NECTIN3: variants seen among roughly 807,000 people sequenced by gnomAD.
NECTIN3 encodes nectin cell adhesion molecule 3.
In NECTIN3, 8 loss-of-function variants were observed where a neutral mutation model predicts 49.4. The ratio of observed to expected loss-of-function variants is 0.16; its 90% CI spans 0.10 to 0.29. The LOEUF (loss-of-function observed/expected upper bound fraction) is 0.29. NECTIN3 is among the 10% of genes least tolerant of loss of function. The probability of loss-of-function intolerance (pLI) is 1.00; values close to 1 mark genes in which losing one functional copy is unlikely to be tolerated. For synonymous variants in NECTIN3, 277 were observed against 241.1 expected, an observed-to-expected ratio of 1.15 and a Z score of -1.38; for missense variants, 581 against 654.6, an observed-to-expected ratio of 0.89 and a Z score of 1.23.
chr3:111,142,017 A>G (rs560801992), downstream of NECTIN3, among the ~76,000 whole-genome samples: 3 of 151,888 alleles, frequency 2.0e-5, no homozygotes, highest in South Asian at 4.1e-4. Context: ...TAAATTCTCA[A>G]TTTTCATCAA....
chr3:111,165,447 C>T (rs538195248), intron 7 of NECTIN3, among the ~76,000 whole-genome samples: 65 of 152,152 alleles, frequency 4.3e-4, no homozygotes, highest in African/African-American at 1.5e-3. Flanking sequence ...ATCTTTACTA[C>T]TTAGAGAATG....
intron 7 of NECTIN3, among the ~76,000 whole-genome samples, chr3:111,170,900 A>T (rs1414265184): frequency 6.6e-6 from 1 of 152,182 alleles, no homozygotes; most frequent in Non-Finnish European, 1.5e-5. Context: ...CAAGCAAGGA[A>T]TCTTTGTCAA....
At chr3:111,087,661 TAAAG>T (rs796708491) in intron 1 of NECTIN3, among the ~76,000 whole-genome samples, 26 of 151,752 alleles carry the variant, frequency 1.7e-4, no homozygotes, top group South Asian at 6.3e-4. Context: ...TCAAAAAAAA[TAAAG>T]AAAGAAAACA....
intron 1 of NECTIN3, among the ~76,000 whole-genome samples, chr3:111,076,150 A>G (rs927708683): frequency 6.6e-6 from 1 of 152,096 alleles, no homozygotes; most frequent in Non-Finnish European, 1.5e-5. Flanking sequence ...TCTATTTACA[A>G]TTTAGTAATT....
chr3:111,137,613 A>C (rs2034626996), downstream of NECTIN3: 1 of 544,538 alleles, frequency 1.8e-6, no homozygotes, highest in African/African-American at 2.1e-5. Flanking sequence ...CCTCGTATTT[A>C]CTAAAGTGTG....
chr3:111,147,475 C>T (rs2034902794), exon 7 of NECTIN3: 4 of 1,520,782 alleles, frequency 2.6e-6, no homozygotes, highest in Non-Finnish European at 3.5e-6. Context: ...CTCAGAAAGA[C>T]CTATTTCAGG....
chr3:111,098,662 AATAAG>A (rs2032729048), intron 1 of NECTIN3, among the ~76,000 whole-genome samples: 1 of 152,170 alleles, frequency 6.6e-6, no homozygotes, highest in African/African-American at 2.4e-5. Flanking sequence ...CATTTTTCCA[AATAAG>A]ATAACAGGTT....
intron 7 of NECTIN3, among the ~76,000 whole-genome samples, chr3:111,168,441 A>G (rs893730293): frequency 9.3e-5 from 14 of 150,540 alleles, no homozygotes; most frequent in Non-Finnish European, 1.6e-4. Flanking sequence ...TTTATATCTT[A>G]TTACTAACAT....
Position 111,125,347 on chromosome 3 carries a change from C to A in NECTIN3, c.918-837C>A, listed in dbSNP as rs375140236. ...CCCGGCCTTATCCTCTTTAAAAAAA[C>A]CAAAAACAAACAAACAAAAACCTTT... is the stretch of plus-strand genomic sequence containing the variant. On this transcript the variant is annotated intron_variant, in intron 4 of 5. Coordinates refer to ENST00000485303, the MANE Select transcript of NECTIN3 (RefSeq NM_015480.3). Among the ~76,000 whole-genome samples, 191 of 151,248 alleles carry A rather than the reference C, an allele frequency of 1.3e-3. 2 individuals carry two copies. The highest frequency in any genetic ancestry group is 4.8e-3 in the South Asian group (23 of 4,818).
chr3:111,136,213 C>T lies in NECTIN3; in HGVS notation c.*1998C>T. On this transcript the variant is annotated 3_prime_UTR_variant, in exon 6 of 6. Transcript: ENST00000485303. Reference sequence around the variant, plus strand: ...ACTGTATGGATCTGAACAGAATAATCACATTTAGGATTCTATATAAATCTC... The same window carrying T: ...ACTGTATGGATCTGAACAGAATAATTACATTTAGGATTCTATATAAATCTC... The T allele has an allele frequency of 1.0e-6, 1 of 963,308 alleles. No individual in the cohort carries two copies. The highest frequency in any genetic ancestry group is 1.2e-6 in the Non-Finnish European group (1 of 810,190). 59.7% of individuals were successfully genotyped at this position (963,308 alleles called of 1,614,324 possible). A position where few individuals can be genotyped will look rare whatever the true frequency, so the allele number is the denominator to read the frequency against.
intron 1 of NECTIN3, among the ~76,000 whole-genome samples, chr3:111,108,336 G>A (rs993802188): frequency 2.6e-5 from 4 of 151,566 alleles, no homozygotes; most frequent in African/African-American, 4.9e-5. Flanking sequence ...GTCATGCTGA[G>A]AGAGAGGCTT....
chr3:111,095,996 G>A (rs2032563406), intron 1 of NECTIN3, among the ~76,000 whole-genome samples: 1 of 152,230 alleles, frequency 6.6e-6, no homozygotes, highest in African/African-American at 2.4e-5. Flanking sequence ...ATGTGGAAGT[G>A]ACTTTGGAAC....
rs1488227550 is a variant in NECTIN3, at chr3:111,137,441, T to G, written c.*3226T>G. ...TTTTGGTTTTGTTGTGTTTGGTGTT[T>G]TTTGTTTTGTTTTGTTTTGTTTTGT... On this transcript the variant is annotated 3_prime_UTR_variant, in exon 6 of 6. Transcript: ENST00000485303. 4 of 940,966 alleles carry G rather than the reference T, an allele frequency of 4.3e-6. No individual in the cohort carries two copies. Among genetic ancestry groups the G allele is most frequent in the Non-Finnish European group, 5.0e-6 (4 of 792,286 alleles). The allele number at this position is 940,966 out of a possible 1,614,324, so 58.3% of individuals were successfully genotyped here. A position where few individuals can be genotyped will look rare whatever the true frequency, so the allele number is the denominator to read the frequency against.
chr3:111,180,017 A>G (rs1004185288), intron 7 of NECTIN3, among the ~76,000 whole-genome samples: 2 of 152,208 alleles, frequency 1.3e-5, no homozygotes, highest in African/African-American at 4.8e-5. Flanking sequence ...AAATTAACAG[A>G]CAAAATTTCA....
chr3:111,102,710 CATT>C (rs1264326457), intron 1 of NECTIN3, among the ~76,000 whole-genome samples: 1 of 152,130 alleles, frequency 6.6e-6, no homozygotes. Flanking sequence ...TCATCTAAAA[CATT>C]ATTGTCGTAT....
intron 2 of NECTIN3, among the ~76,000 whole-genome samples, chr3:111,115,629 A>G (rs749638328): frequency 4.6e-5 from 7 of 152,220 alleles, no homozygotes; most frequent in Non-Finnish European, 7.4e-5. Context: ...AGGAATGCCT[A>G]ACTCACGGCT....
chr3:111,094,455 G>A (rs1335618238), intron 1 of NECTIN3, among the ~76,000 whole-genome samples: 1 of 152,058 alleles, frequency 6.6e-6, no homozygotes, highest in Non-Finnish European at 1.5e-5. Context: ...GGAGTTATTT[G>A]ATGCTGTCTT....
At chr3:111,164,600 G>A (rs191401947) in intron 7 of NECTIN3, among the ~76,000 whole-genome samples, 45 of 152,286 alleles carry the variant, frequency 3.0e-4, no homozygotes, top group African/African-American at 1.0e-3. Context: ...CCAAGGTCCT[G>A]GGGGGAAATC....
chr3:111,120,644 A>G (rs187016401), intron 3 of NECTIN3, among the ~76,000 whole-genome samples: 1 of 152,254 alleles, frequency 6.6e-6, no homozygotes, highest in Admixed American at 6.5e-5. Flanking sequence ...CCAGTAGGAC[A>G]GTCTTCCCTG....
Sources: gnomAD v4.1 joint callset for allele counts (sites outside exome capture counted in the v4.1 genomes callset) on GRCh38, gnomAD v4.1.1 for gene constraint, MANE v1.5 for transcripts, NCBI Gene and HGNC (gene_info 2026-07-23, HGNC 2026-07-21) for gene names.